PCDHA5: variants seen among roughly 807,000 people sequenced by gnomAD.
PCDHA5 encodes protocadherin alpha-5.
PCDHA5 carries 43 observed loss-of-function variants against 61.6 expected under a neutral mutation model. The ratio of observed to expected loss-of-function variants is 0.70; its 90% CI spans 0.55 to 0.90. The LOEUF is 0.90. Among genes scored for constraint, PCDHA5 ranks in the 40% least tolerant of loss-of-function variants. PCDHA5 has a pLI of 0.00. For missense variants in PCDHA5, 1,298 were observed against 1,222.7 expected, an observed-to-expected ratio of 1.06 and a Z score of -0.92; for synonymous variants, 627 against 543.9, an observed-to-expected ratio of 1.15 and a Z score of -2.13.
chr5:140,983,901 AT>A (rs782712573), intron 3 of PCDHA5, among the ~76,000 whole-genome samples: 20 of 152,338 alleles, frequency 1.3e-4, no homozygotes, highest in Non-Finnish European at 2.6e-4. Context: ...GCATTCGTTG[AT>A]TCTAATCAGC....
At chr5:140,966,811 G>T (rs377370256) in intron 1 of PCDHA5, 6 of 1,549,722 alleles carry the variant, frequency 3.9e-6, no homozygotes, top group African/African-American at 1.4e-5. Context: ...AGCATCCACG[G>T]CTCCGGCGGC....
intron 1 of PCDHA5, chr5:140,868,003 A>C (rs1166493353): frequency 6.6e-6 from 1 of 152,130 alleles, no homozygotes; most frequent in South Asian, 2.1e-4. Context: ...AATATAACTG[A>C]ATTAGATTAA....
chr5:140,823,007 C>T lies in PCDHA5; in HGVS notation c.1232C>T (p.Ala411Val). Residue 411 changes from alanine to valine, a missense_variant, in exon 1 of 4, where the codon GCC (alanine) becomes GTC (valine). Ala to Val is a moderately conservative substitution (Grantham distance 64). Coordinates refer to ENST00000529859, the MANE Select transcript of PCDHA5 (RefSeq NM_018908.3). Reference protein sequence around the residue: ...KNYYSLVLDSALDRESVSVYE... With the variant: ...KNYYSLVLDSVLDRESVSVYE... Reference sequence around the variant, plus strand: ...TACTACTCGTTGGTGCTGGACAGCGCCCTGGACCGCGAGAGCGTGTCGGTC... The same window carrying T: ...TACTACTCGTTGGTGCTGGACAGCGTCCTGGACCGCGAGAGCGTGTCGGTC... 1.2e-6 allele frequency: 2 copies of T among 1,614,244 alleles called. No homozygotes were observed. Among genetic ancestry groups the T allele is most frequent in the Non-Finnish European group, 1.7e-6 (2 of 1,180,052 alleles).
chr5:140,943,605 CTT>C (rs1232110768), intron 1 of PCDHA5, among the ~76,000 whole-genome samples: 5 of 152,064 alleles, frequency 3.3e-5, no homozygotes, highest in African/African-American at 1.2e-4. Context: ...TAAATATAGA[CTT>C]TGATTCATCT....
In PCDHA5 at chr5:140,907,883, G is replaced by A. The variant is rs374762446; in HGVS notation, c.2353-71066G>A. Among the ~76,000 whole-genome samples, 394 of 152,228 alleles carry A rather than the reference G, an allele frequency of 2.6e-3. 2 individuals carry two copies. Among genetic ancestry groups the A allele is most frequent in the African/African-American group, 9.2e-3 (382 of 41,542 alleles). ...CCAGCCGTTGGTGAGCACTCACATG[G>A]GATACAAATATCTTCACAGTTTTTG... On this transcript the variant is annotated intron_variant, in intron 1 of 3. Coordinates refer to ENST00000529859, the MANE Select transcript of PCDHA5 (RefSeq NM_018908.3).
Position 140,835,427 on chromosome 5 carries a change from A to G in PCDHA5, c.2352+11300A>G, listed in dbSNP as rs2150235532. The stretch of plus-strand genomic sequence containing the variant: ...TTGTGGATGTAAATGACAATGCTCC[A>G]CAGTTGACTCTCACTTCCCTGTCTC... On this transcript the variant is annotated intron_variant, in intron 1 of 3. Transcript: ENST00000529859. The G allele has an allele frequency of 7.4e-6, 12 of 1,613,812 alleles. No homozygotes were observed. In the Admixed American group the frequency reaches 1.5e-4, roughly 20 times the overall value.
chr5:140,850,513 G>T lies in PCDHA5; in HGVS notation c.2352+26386G>T, dbSNP rs2150487190. The stretch of plus-strand genomic sequence containing the variant: ...GTGCTGGTGTCGCTGGTGGAGAGCG[G>T]CCAGGCGCCAAAGTCATCGTCGCGG... On this transcript the variant is annotated intron_variant, in intron 1 of 3. Transcript: ENST00000529859. The T allele has an allele frequency of 3.1e-6, 5 of 1,598,108 alleles. No homozygotes were observed. In the East Asian group the frequency reaches 1.1e-4, roughly 36 times the overall value.
intron 1 of PCDHA5, among the ~76,000 whole-genome samples, chr5:140,978,103 A>G (rs2096789005): frequency 6.6e-6 from 1 of 152,106 alleles, no homozygotes; most frequent in South Asian, 2.1e-4. Flanking sequence ...AACTCCCCCA[A>G]CAGTCTTTAA....
rs142929389 is a variant in PCDHA5 at position 140,823,131 on chromosome 5, G to A, written c.1356G>A (p.Pro452=). The A allele has an allele frequency of 3.1e-6, 5 of 1,614,008 alleles. No homozygotes were observed. The highest frequency in any genetic ancestry group is 1.7e-4 in the Middle Eastern group (1 of 6,026). Reference sequence around the variant, plus strand: ...TGGCCGACGTGAACGACAACGCTCCGGCGTTCGCGCAGCCCCAGTATACCG... The same window carrying A: ...TGGCCGACGTGAACGACAACGCTCCAGCGTTCGCGCAGCCCCAGTATACCG... ...VEVADVNDNA[P]AFAQPQYTVF... Residue 452 remains proline, a synonymous_variant, in exon 1 of 4, where the codon CCG becomes CCA. Coordinates refer to ENST00000529859, the MANE Select transcript of PCDHA5 (RefSeq NM_018908.3).
chr5:140,966,813 T>C (rs2096057002), intron 1 of PCDHA5: 2 of 1,551,874 alleles, frequency 1.3e-6, no homozygotes, highest in Non-Finnish European at 8.7e-7. Context: ...CATCCACGGC[T>C]CCGGCGGCCC....
At chr5:140,928,466 T>C in intron 1 of PCDHA5, 13 of 1,614,140 alleles carry the variant, frequency 8.1e-6, no homozygotes, top group Non-Finnish European at 1.1e-5. Context: ...CATTTCCAAG[T>C]AGAAGGCCGG....
chr5:140,993,462 TCACACACACACA>T (rs3836747), intron 3 of PCDHA5, among the ~76,000 whole-genome samples: 1,999 of 141,038 alleles, frequency 0.014, 48 homozygotes, highest in African/African-American at 0.047. Context: ...TCTTTCTTTC[TCACACACACACA>T]CACACACACA....
intron 1 of PCDHA5, chr5:140,824,445 C>T (rs1945825147): frequency 2.2e-6 from 1 of 463,122 alleles, no homozygotes; most frequent in African/African-American, 2.0e-5. Context: ...CAGTTTATGA[C>T]TACATGAAAA....
intron 1 of PCDHA5, chr5:140,858,119 C>T (rs1444406371): frequency 4.4e-6 from 7 of 1,597,808 alleles, no homozygotes; most frequent in South Asian, 1.1e-5. Flanking sequence ...CGAGGTGGCC[C>T]TGGTGGATGT....
intron 1 of PCDHA5, among the ~76,000 whole-genome samples, chr5:140,956,385 T>C (rs1313427005): frequency 6.6e-6 from 1 of 152,198 alleles, no homozygotes; most frequent in Non-Finnish European, 1.5e-5. Flanking sequence ...ATCGAAGGCC[T>C]TTTCTGAATC....
intron 1 of PCDHA5, chr5:140,869,706 T>C (rs1554163364): frequency 2.5e-6 from 4 of 1,613,406 alleles, no homozygotes; most frequent in South Asian, 1.1e-5. Flanking sequence ...AGTCTCTGGA[T>C]AGAGAGAAAA....
In PCDHA5 at chr5:140,856,841, G is replaced by C. The variant is rs781868199; in HGVS notation, c.2352+32714G>C. The C allele has an allele frequency of 2.2e-5, 35 of 1,592,304 alleles. 4 individuals are homozygous for C. The Middle Eastern group carries it at 5.0e-4, about 23-fold the overall frequency. ...CCAAACATTAGTAATACGGCTCAAC[G>C]CTTCTGATTCGGATGAAGGAATAAA... On this transcript the variant is annotated intron_variant, in intron 1 of 3. Coordinates refer to ENST00000529859, the MANE Select transcript of PCDHA5 (RefSeq NM_018908.3).
intron 3 of PCDHA5, among the ~76,000 whole-genome samples, chr5:141,001,598 G>C (rs2098027263): frequency 6.6e-6 from 1 of 152,088 alleles, no homozygotes; most frequent in South Asian, 2.1e-4. Flanking sequence ...ACTCAGATTA[G>C]GTTTGCCCAA....
At chr5:141,003,368 G>C (rs2098121009) in intron 3 of PCDHA5, among the ~76,000 whole-genome samples, 1 of 152,190 alleles carries the variant, frequency 6.6e-6, no homozygotes, top group Non-Finnish European at 1.5e-5. Flanking sequence ...CTGGAGTGCA[G>C]TGGTGCAATC....
Sources: allele counts gnomAD v4.1 joint callset (sites outside exome capture counted in the v4.1 genomes callset), GRCh38; gene constraint gnomAD v4.1.1; transcripts MANE v1.5; gene names NCBI Gene and HGNC (gene_info 2026-07-23, HGNC 2026-07-21).